SBNO1: variants seen among roughly 807,000 people sequenced by gnomAD.
SBNO1 encodes protein strawberry notch homolog 1.
In SBNO1, 23 loss-of-function variants were observed where a neutral mutation model predicts 173.6. The ratio of observed to expected loss-of-function variants is 0.13; its 90% CI spans 0.10 to 0.19. SBNO1 has a LOEUF of 0.19. SBNO1 is among the 10% of genes least tolerant of loss of function. The pLI is 1.00. For synonymous variants in SBNO1, 632 were observed against 571.5 expected, an observed-to-expected ratio of 1.11 and a Z score of -1.51; for missense variants, 1,238 against 1,671.2, an observed-to-expected ratio of 0.74 and a Z score of 4.52.
In SBNO1 at chr12:123,315,680, T is replaced by TAAA; in HGVS notation, c.2936-23_2936-21dup. 2.9e-6 allele frequency: 4 copies of TAAA among 1,383,300 alleles called. No homozygotes were observed. The highest frequency in any genetic ancestry group is 4.1e-6 in the Non-Finnish European group (4 of 970,396). The allele number at this position is 1,383,300 out of a possible 1,614,324, so 85.7% of individuals were successfully genotyped here. On this transcript the variant is annotated intron_variant, in intron 21 of 31. Coordinates refer to ENST00000602398, the MANE Select transcript of SBNO1 (RefSeq NM_001167856.3). ...TACGTCCTGCAACGAAATTTTGTTT[T>TAAA]AAAGATCATTGATTGTGTTCGCTGG...
At chr12:123,301,744 C>G (rs1212800578) in intron 30 of SBNO1, among the ~76,000 whole-genome samples, 1 of 151,906 alleles carries the variant, frequency 6.6e-6, no homozygotes, top group Non-Finnish European at 1.5e-5. Context: ...ACCAGTAAAG[C>G]TTTTTTAAAA....
intron 1 of SBNO1, 99 bp downstream of exon 1, chr12:123,364,602 C>A: frequency 1.0e-6 from 1 of 974,736 alleles, no homozygotes; most frequent in Non-Finnish European, 1.2e-6. Flanking sequence ...AGGTGGCTGT[C>A]CCCCCAGCCT....
At chr12:123,337,368 G>A (rs1189637202) in intron 5 of SBNO1, among the ~76,000 whole-genome samples, 1 of 152,168 alleles carries the variant, frequency 6.6e-6, no homozygotes, top group African/African-American at 2.4e-5. Context: ...CACTTGTTCA[G>A]GGAAGAATAT....
chr12:123,300,580 C>T (rs1299854442), intron 30 of SBNO1, among the ~76,000 whole-genome samples: 1 of 152,094 alleles, frequency 6.6e-6, no homozygotes, highest in Admixed American at 6.6e-5. Flanking sequence ...ATGCCGTGAA[C>T]CTGGGAGGTG....
chr12:123,329,390 T>A (rs1263421939), intron 9 of SBNO1, among the ~76,000 whole-genome samples: 6 of 147,146 alleles, frequency 4.1e-5, no homozygotes, highest in South Asian at 2.1e-4. Flanking sequence ...TTTTTTTTTT[T>A]AAATCCAGTT....
At chr12:123,317,658 T>C (rs542914403) in intron 20 of SBNO1, among the ~76,000 whole-genome samples, 1 of 152,302 alleles carries the variant, frequency 6.6e-6, no homozygotes, top group East Asian at 1.9e-4. Context: ...GGAACAGGTA[T>C]CTTGGAATAC....
chr12:123,328,946 C>A (rs7301163), intron 9 of SBNO1, 51 bp from the exon 10 acceptor site: 1,041,548 of 1,090,134 alleles, frequency 0.96, 498,422 homozygotes, highest in Non-Finnish European at 0.96. Context: ...TTTCTCTCTG[C>A]AACATTCATC....
rs2048543790 is a variant in SBNO1, at chr12:123,293,709, T to C, written c.*2199A>G. Reference sequence around the variant, plus strand: ...AGAGCAAACATTACATCATAGGCCATGGGGGTTGTCACTTAGCTGCATGCT... The same window carrying C: ...AGAGCAAACATTACATCATAGGCCACGGGGGTTGTCACTTAGCTGCATGCT... On this transcript the variant is annotated 3_prime_UTR_variant, in exon 32 of 32. Coordinates refer to ENST00000602398, the MANE Select transcript of SBNO1 (RefSeq NM_001167856.3). 1 of 152,186 alleles carries C rather than the reference T, an allele frequency of 6.6e-6. No homozygotes were observed. The highest frequency in any genetic ancestry group is 1.5e-5 in the Non-Finnish European group (1 of 68,040). The allele number at this position is 152,186 out of a possible 1,614,324, so 9.4% of individuals were successfully genotyped here.
At chr12:123,332,064 TG>T (rs1348820942) in intron 7 of SBNO1, among the ~76,000 whole-genome samples, 1 of 151,692 alleles carries the variant, frequency 6.6e-6, no homozygotes, top group Non-Finnish European at 1.5e-5. Context: ...TTGACCAGGA[TG>T]GTCTCGATCT....
chr12:123,318,016 C>T (rs989863359), intron 20 of SBNO1, among the ~76,000 whole-genome samples: 3 of 152,100 alleles, frequency 2.0e-5, no homozygotes, highest in Admixed American at 6.6e-5. Context: ...AGCTGGAGTG[C>T]AGTGGTGCAA....
intron 30 of SBNO1, among the ~76,000 whole-genome samples, chr12:123,298,902 C>T (rs748775513): frequency 1.3e-5 from 2 of 151,982 alleles, no homozygotes; most frequent in Non-Finnish European, 1.5e-5. Context: ...CCAGCCTGTG[C>T]AACATGGCGA....
In SBNO1 at chr12:123,294,039, C is replaced by A. The variant is rs925425682; in HGVS notation, c.*1869G>T. On this transcript the variant is annotated 3_prime_UTR_variant, in exon 32 of 32. Coordinates refer to ENST00000602398, the MANE Select transcript of SBNO1 (RefSeq NM_001167856.3). ...GCTCTTGGCTGCCAGCCGGGTCTAG[C>A]GGCCCTAACAAGGGAAACTGGCTGA... 1 of 152,318 alleles carries A rather than the reference C, an allele frequency of 6.6e-6. No individual in the cohort carries two copies. The highest frequency in any genetic ancestry group is 2.4e-5 in the African/African-American group (1 of 41,464). 9.4% of individuals were successfully genotyped at this position (152,318 alleles called of 1,614,324 possible).
At chr12:123,364,540 G>A (rs1338461929) in intron 1 of SBNO1, 161 bp downstream of exon 1, 2 of 983,634 alleles carry the variant, frequency 2.0e-6, no homozygotes, top group Non-Finnish European at 2.4e-6. Flanking sequence ...GGGCCCCGGA[G>A]CGCGCGGCCG....
chr12:123,331,527 T>G lies in SBNO1; in HGVS notation c.910-152A>C, dbSNP rs553299529. ...TTTTTACATAAATTTCATAGAGTTT[T>G]GGATTTTTTTTTGAGACGGAGTCTC... On this transcript the variant is annotated intron_variant, in intron 7 of 31. Transcript: ENST00000602398. The G allele has an allele frequency of 2.5e-5, 20 of 803,174 alleles. No individual in the cohort carries two copies. In the South Asian group the frequency reaches 3.9e-4, roughly 16 times the overall value. 49.8% of individuals were successfully genotyped at this position (803,174 alleles called of 1,614,324 possible).
chr12:123,342,311 C>T (rs935494936), intron 4 of SBNO1, among the ~76,000 whole-genome samples: 12 of 151,488 alleles, frequency 7.9e-5, no homozygotes, highest in Non-Finnish European at 1.2e-4. Context: ...ATTAGCTGGG[C>T]GTGGTGGCGG....
rs185912824 is a variant in SBNO1 at position 123,352,567 on chromosome 12, C to T, written c.1-2126G>A. 1.6e-3 allele frequency among the ~76,000 whole-genome samples: 241 copies of T among 152,242 alleles called. 3 individuals are homozygous for T. Among genetic ancestry groups the T allele is most frequent in the African/African-American group, 5.4e-3 (226 of 41,552 alleles). On this transcript the variant is annotated intron_variant, in intron 1 of 31. Transcript: ENST00000602398. ...TTGGCCTCCCAAAGTGCTGGGATTA[C>T]AGGCCGTGAGCCACTGTGCCCGGCC... is the stretch of plus-strand genomic sequence containing the variant.
chr12:123,335,686 T>A (rs757173362), intron 6 of SBNO1, among the ~76,000 whole-genome samples: 8 of 152,210 alleles, frequency 5.3e-5, no homozygotes, highest in Non-Finnish European at 2.9e-5. Flanking sequence ...CCAATAAACA[T>A]GTCTATGTTC....
At chr12:123,314,497 T>C (rs957409858) in intron 23 of SBNO1, among the ~76,000 whole-genome samples, 1 of 151,910 alleles carries the variant, frequency 6.6e-6, no homozygotes, top group African/African-American at 2.4e-5. Context: ...GCCCAGCTAA[T>C]TTTTCTATTT....
chr12:123,309,619 G>T (rs768057274), intron 26 of SBNO1, 36 bp from the exon 27 acceptor site: 5 of 1,601,040 alleles, frequency 3.1e-6, no homozygotes, highest in Admixed American at 3.4e-5. Flanking sequence ...AATGTAAAAA[G>T]AACATTTTTA....
Sources: gnomAD v4.1 joint callset for allele counts (sites outside exome capture counted in the v4.1 genomes callset) on GRCh38, gnomAD v4.1.1 for gene constraint, MANE v1.5 for transcripts, NCBI Gene and HGNC (gene_info 2026-07-23, HGNC 2026-07-21) for gene names.